Variants in C2orf80 observed in about 807,000 individuals in gnomAD.
The protein encoded by C2orf80 is chromosome 2 open reading frame 80, also known as uncharacterized protein C2orf80.
Under a neutral mutation model 30.2 loss-of-function variants are expected in C2orf80, and 28 were observed. The observed-to-expected ratio is 0.93, with a 90% confidence interval of 0.69 to 1.27. The LOEUF is 1.27. Among genes scored for constraint, C2orf80 ranks in the 50% most tolerant of loss-of-function variants. The pLI, the probability that C2orf80 is intolerant of heterozygous loss-of-function variation, is 0.00. For synonymous variants in C2orf80, 80 were observed against 76.4 expected (o/e 1.05, Z -0.24); for missense variants, 220 against 231.0 (o/e 0.95, Z 0.31).
intron 8 of C2orf80, among the ~76,000 whole-genome samples, chr2:208,166,930 G>A (rs1410984091): frequency 5.3e-5 from 8 of 152,112 alleles, no homozygotes; most frequent in African/African-American, 1.4e-4. Context: ...GATTACAGGC[G>A]TGAGCCACCA....
intron 2 of C2orf80, among the ~76,000 whole-genome samples, chr2:208,186,151 T>G (rs774871175): frequency 2.0e-5 from 3 of 152,190 alleles, no homozygotes; most frequent in Non-Finnish European, 4.4e-5. Context: ...TGTACACGTG[T>G]ACTATATATG....
chr2:208,187,066 A>C lies in C2orf80; in HGVS notation c.-75-5T>G. ...CAGCTTCTCTGAGTCTAGAGGCTACAGCAGCAAATCAGAGAGAATATGAGT... is the reference window on the plus strand; with the variant it reads ...CAGCTTCTCTGAGTCTAGAGGCTACCGCAGCAAATCAGAGAGAATATGAGT... On this transcript the variant is annotated splice_region_variant and splice_polypyrimidine_tract_variant and intron_variant, in intron 1 of 8. Transcript: ENST00000341287. The C allele has an allele frequency of 7.5e-7, 1 of 1,324,944 alleles. No individual in the cohort carries two copies. The highest frequency in any genetic ancestry group is 2.3e-5 in the East Asian group (1 of 43,550). 82.1% of individuals were successfully genotyped at this position (1,324,944 alleles called of 1,614,324 possible). A position where few individuals can be genotyped will look rare whatever the true frequency, so the allele number is the denominator to read the frequency against.
At chr2:208,184,777 G>A (rs1326355782) in intron 3 of C2orf80, among the ~76,000 whole-genome samples, 174 bp downstream of exon 3, 1 of 152,126 alleles carries the variant, frequency 6.6e-6, no homozygotes, top group African/African-American at 2.4e-5. Flanking sequence ...TTTCTGGTTA[G>A]TGGGTTGAAA....
chr2:208,177,713 G>A (rs1318523679), intron 6 of C2orf80, among the ~76,000 whole-genome samples: 1 of 152,086 alleles, frequency 6.6e-6, no homozygotes, highest in Non-Finnish European at 1.5e-5. Flanking sequence ...CTGAACAAAG[G>A]CTCTTTAATG....
chr2:208,168,656 GTC>G (rs1272680648), intron 8 of C2orf80, among the ~76,000 whole-genome samples: 1 of 25,004 alleles, frequency 4.0e-5, no homozygotes. Context: ...GCAAGACTCC[GTC>G]TCAAAAAAAA....
At chr2:208,189,859 T>C in intron 1 of C2orf80, 94 bp downstream of exon 1, 1 of 690,636 alleles carries the variant, frequency 1.4e-6, no homozygotes, top group South Asian at 1.6e-5. Flanking sequence ...TCCATGCAGG[T>C]TCCCTGCTGC....
At chr2:208,185,055 T>C (rs1168925191) in intron 2 of C2orf80, 23 bp from the exon 3 acceptor site, 2 of 1,594,840 alleles carry the variant, frequency 1.3e-6, no homozygotes, top group Non-Finnish European at 1.7e-6. Flanking sequence ...AGAGCAGCAT[T>C]GAACCATTGG....
chr2:208,176,999 A>ATATG (rs1559340764), intron 6 of C2orf80, among the ~76,000 whole-genome samples: 1 of 44,674 alleles, frequency 2.2e-5, no homozygotes, highest in Non-Finnish European at 4.3e-5. Context: ...ATGTATACAT[A>ATATG]TATACATATA....
chr2:208,182,573 G>GT (rs886853723), intron 4 of C2orf80, among the ~76,000 whole-genome samples: 11 of 152,126 alleles, frequency 7.2e-5, no homozygotes, highest in Non-Finnish European at 1.5e-5. Context: ...GCGAATTTTT[G>GT]TATTTTTAAT....
At chr2:208,188,047 C>A (rs1210449612) in intron 1 of C2orf80, among the ~76,000 whole-genome samples, 1 of 149,934 alleles carries the variant, frequency 6.7e-6, no homozygotes, top group Non-Finnish European at 1.5e-5. Flanking sequence ...TCTGTAAAAT[C>A]AAAATATTTG....
At chr2:208,176,384 C>T (rs993322724) in intron 6 of C2orf80, among the ~76,000 whole-genome samples, 1 of 152,196 alleles carries the variant, frequency 6.6e-6, no homozygotes, top group Non-Finnish European at 1.5e-5. Flanking sequence ...CCATGTTGGC[C>T]AGGCTGGCCT....
At chr2:208,176,256 A>T (rs1696289304) in intron 6 of C2orf80, among the ~76,000 whole-genome samples, 1 of 151,600 alleles carries the variant, frequency 6.6e-6, no homozygotes, top group South Asian at 2.1e-4. Context: ...ACTCACTGCC[A>T]CCTCTGCCTC....
chr2:208,176,999 A>ATCTG (rs371295723), intron 6 of C2orf80, among the ~76,000 whole-genome samples: 114 of 44,662 alleles, frequency 2.6e-3, no homozygotes, highest in Non-Finnish European at 3.3e-3. Flanking sequence ...ATGTATACAT[A>ATCTG]TATACATATA....
chr2:208,186,904 T>C (rs767872598), intron 2 of C2orf80, 42 bp downstream of exon 2: 1 of 1,562,682 alleles, frequency 6.4e-7, no homozygotes, highest in African/African-American at 1.4e-5. Context: ...ATCCACCGAA[T>C]GCCAAGTGTC....
In C2orf80 at chr2:208,186,929, T is replaced by G. The variant is rs1397172835; in HGVS notation, c.41+17A>C. 8.1e-6 allele frequency: 13 copies of G among 1,610,104 alleles called. No individual in the cohort carries two copies. Among genetic ancestry groups the G allele is most frequent in the Non-Finnish European group, 9.4e-6 (11 of 1,176,398 alleles). ...TGCCAAGTGTCATAAATGAAAGTTA[T>G]TCTCAGTCATACTTACAAGAGCTTT... On this transcript the variant is annotated intron_variant, in intron 2 of 8. Coordinates refer to ENST00000341287, the MANE Select transcript of C2orf80 (RefSeq NM_001099334.3).
rs556468731 is a variant in C2orf80, at chr2:208,186,922, A to G, written c.41+24T>C. On this transcript the variant is annotated intron_variant, in intron 2 of 8. Transcript: ENST00000341287. ...CACCGAATGCCAAGTGTCATAAATGAAAGTTATTCTCAGTCATACTTACAA... is the reference window on the plus strand; with the variant it reads ...CACCGAATGCCAAGTGTCATAAATGGAAGTTATTCTCAGTCATACTTACAA... 3.1e-6 allele frequency: 5 copies of G among 1,606,050 alleles called. No homozygotes were observed. In the African/African-American group the frequency reaches 4.0e-5, roughly 13 times the overall value.
chr2:208,175,820 C>T (rs557665540), intron 6 of C2orf80, among the ~76,000 whole-genome samples: 26 of 151,448 alleles, frequency 1.7e-4, no homozygotes, highest in Non-Finnish European at 2.5e-4. Flanking sequence ...ATAGGTTTAC[C>T]GTTCAGTCTT....
chr2:208,185,283 C>T (rs567132660), intron 2 of C2orf80, among the ~76,000 whole-genome samples: 2 of 152,256 alleles, frequency 1.3e-5, no homozygotes, highest in Admixed American at 6.5e-5. Context: ...ACAGAATTTA[C>T]AGGAAAGCAA....
intron 6 of C2orf80, among the ~76,000 whole-genome samples, chr2:208,176,194 G>A (rs1256693311): frequency 6.7e-6 from 1 of 148,446 alleles, no homozygotes; most frequent in Admixed American, 6.7e-5. Flanking sequence ...TTTTTTTTTT[G>A]AGACGGAGTC....
Sources: allele counts gnomAD v4.1 joint callset (sites outside exome capture counted in the v4.1 genomes callset), GRCh38; gene constraint gnomAD v4.1.1; transcripts MANE v1.5; gene names NCBI Gene and HGNC (gene_info 2026-07-23, HGNC 2026-07-21).